SGCD: variants seen among roughly 807,000 people sequenced by gnomAD.
SGCD encodes the protein sarcoglycan delta.
In SGCD, 18 loss-of-function variants were observed where a neutral mutation model predicts 36.6. The ratio of observed to expected loss-of-function variants is 0.49; its 90% confidence interval spans 0.34 to 0.73. SGCD has a LOEUF of 0.73. SGCD is among the 30% of genes least tolerant of loss of function. SGCD has a pLI of 0.01. For synonymous variants in SGCD, 133 were observed against 130.6 expected, an observed-to-expected ratio of 1.02 and a Z score of -0.12; for missense variants, 387 against 346.7, an observed-to-expected ratio of 1.12 and a Z score of -0.92.
At chr5:156,492,433 G>T (rs1050886358) in intron 3 of SGCD, among the ~76,000 whole-genome samples, 2 of 151,916 alleles carry the variant, frequency 1.3e-5, no homozygotes, top group Non-Finnish European at 2.9e-5. Context: ...CCTAAGACCC[G>T]CAAAAATCAA....
chr5:155,849,560 ACTTT>A, the SGCD span, among the ~76,000 whole-genome samples: 5 of 152,194 alleles, frequency 3.3e-5, no homozygotes, highest in South Asian at 8.3e-4. Flanking sequence ...TGAACTTAAA[ACTTT>A]CTTTCTCGTG....
chr5:155,881,046 G>C (rs1188497628), intron 1 of SGCD, among the ~76,000 whole-genome samples: 1 of 151,966 alleles, frequency 6.6e-6, no homozygotes, highest in Admixed American at 6.6e-5. Flanking sequence ...AGGCTTTGGA[G>C]GTCACTTAAT....
chr5:155,742,861 T>A, the SGCD span, among the ~76,000 whole-genome samples: 16,553 of 152,276 alleles, frequency 0.11, 1,167 homozygotes, highest in South Asian at 0.25. Context: ...TCTATTACCC[T>A]CTCCTCTGAT....
At chr5:156,045,183 G>T (rs1286816083) in intron 1 of SGCD, among the ~76,000 whole-genome samples, 1 of 152,112 alleles carries the variant, frequency 6.6e-6, no homozygotes, top group Non-Finnish European at 1.5e-5. Context: ...GAGCCCTCAT[G>T]ACCTAATCAC....
chr5:156,397,269 T>A (rs1240182749), intron 3 of SGCD, among the ~76,000 whole-genome samples: 1 of 152,208 alleles, frequency 6.6e-6, no homozygotes, highest in Non-Finnish European at 1.5e-5. Flanking sequence ...GTCTGCAAAC[T>A]TTTTCTATAA....
intron 1 of SGCD, among the ~76,000 whole-genome samples, chr5:155,895,254 T>TA (rs1271034711): frequency 6.6e-6 from 1 of 152,226 alleles, no homozygotes; most frequent in African/African-American, 2.4e-5. Context: ...AATTCTCAGG[T>TA]AGGGAACATT....
chr5:156,342,500 A>G (rs1366772541), intron 2 of SGCD, among the ~76,000 whole-genome samples: 3 of 152,256 alleles, frequency 2.0e-5, no homozygotes, highest in Non-Finnish European at 4.4e-5. Context: ...CTTATTTCAT[A>G]GAATATGATC....
At chr5:156,058,105 T>C (rs1760107161) in intron 1 of SGCD, among the ~76,000 whole-genome samples, 1 of 146,016 alleles carries the variant, frequency 6.8e-6, no homozygotes, top group Non-Finnish European at 1.5e-5. Flanking sequence ...CCAAATTATA[T>C]GGGCTTCTGG....
At chr5:156,186,339 T>G (rs1763760557) in intron 3 of SGCD, among the ~76,000 whole-genome samples, 1 of 152,150 alleles carries the variant, frequency 6.6e-6, no homozygotes, top group Non-Finnish European at 1.5e-5. Context: ...TGTTGATATC[T>G]GCTATGATAC....
In SGCD at chr5:156,757,658, AAG is replaced by A; in HGVS notation, c.654_655del (p.Glu218AspfsTer17). On this transcript the variant is annotated frameshift_variant, in exon 8 of 9. Coordinates refer to ENST00000337851, the MANE Select transcript of SGCD (RefSeq NM_000337.6). LOFTEE classifies it high-confidence loss of function. Reference sequence around the variant, plus strand: ...ATCAATGCAGAAGCTGGCAATATGGAAGCCACCTGCAGGACAGAGCTGAGACT... The same window carrying A: ...ATCAATGCAGAAGCTGGCAATATGGACCACCTGCAGGACAGAGCTGAGACT... The A allele has an allele frequency of 6.2e-7, 1 of 1,610,094 alleles. No homozygotes were observed. The highest frequency in any genetic ancestry group is 1.3e-5 in the African/African-American group (1 of 74,952).
chr5:156,167,539 G>A (rs893618104), intron 3 of SGCD, among the ~76,000 whole-genome samples: 7 of 152,188 alleles, frequency 4.6e-5, no homozygotes, highest in Admixed American at 1.3e-4. Context: ...GGCCTAGGAG[G>A]CGTCTGGATC....
chr5:156,682,654 T>C (rs1181957946), intron 7 of SGCD, among the ~76,000 whole-genome samples: 1 of 152,190 alleles, frequency 6.6e-6, no homozygotes, highest in South Asian at 2.1e-4. Flanking sequence ...GAAAGCTGAT[T>C]GGAAATGTAG....
chr5:156,100,887 T>C (rs954499663), intron 1 of SGCD, among the ~76,000 whole-genome samples: 3 of 152,154 alleles, frequency 2.0e-5, no homozygotes, highest in African/African-American at 7.2e-5. Flanking sequence ...GAGAACCAAA[T>C]GCTTGTGTGC....
chr5:156,636,303 C>G lies in SGCD; in HGVS notation c.503-11161C>G, dbSNP rs1450222770. ...TGATACTAACAGCTCATATGTCTCCCCTACAGAAGCTTCTTTTTCATTCTT... is the reference window on the plus strand; with the variant it reads ...TGATACTAACAGCTCATATGTCTCCGCTACAGAAGCTTCTTTTTCATTCTT... On this transcript the variant is annotated intron_variant, in intron 6 of 8. Coordinates refer to ENST00000337851, the MANE Select transcript of SGCD (RefSeq NM_000337.6). 5.3e-5 allele frequency among the ~76,000 whole-genome samples: 8 copies of G among 152,252 alleles called. No homozygotes were observed. The East Asian group carries it at 1.5e-3, about 29-fold the overall frequency.
At chr5:155,772,865 C>T in the SGCD span, among the ~76,000 whole-genome samples, 9 of 152,112 alleles carry the variant, frequency 5.9e-5, no homozygotes, top group Non-Finnish European at 1.2e-4. Flanking sequence ...CTCTCTTTCA[C>T]CAGACACTTC....
chr5:156,476,439 A>G (rs1755182024), intron 3 of SGCD, among the ~76,000 whole-genome samples: 1 of 152,186 alleles, frequency 6.6e-6, no homozygotes, highest in South Asian at 2.1e-4. Flanking sequence ...AGATTCCATA[A>G]TCTTTATTTT....
chr5:156,326,627 T>C (rs963807882), upstream of SGCD: 1 of 152,186 alleles, frequency 6.6e-6, no homozygotes, highest in African/African-American at 2.4e-5. Flanking sequence ...GAGATCAAAT[T>C]AGAATTTACA....
intron 6 of SGCD, among the ~76,000 whole-genome samples, chr5:156,623,556 C>T (rs774982613): frequency 3.3e-4 from 50 of 152,218 alleles, no homozygotes; most frequent in Non-Finnish European, 6.8e-4. Flanking sequence ...GGAAAGAGCA[C>T]AAGCATATCC....
intron 3 of SGCD, among the ~76,000 whole-genome samples, chr5:156,453,568 G>A (rs191385657): frequency 4.6e-5 from 7 of 152,264 alleles, no homozygotes; most frequent in Middle Eastern, 3.4e-3. Context: ...TGCTCTCTGA[G>A]GGGACATTTT....
Sources: gnomAD v4.1 joint callset for allele counts (sites outside exome capture counted in the v4.1 genomes callset) on GRCh38, gnomAD v4.1.1 for gene constraint, MANE v1.5 for transcripts, NCBI Gene and HGNC (gene_info 2026-07-23, HGNC 2026-07-21) for gene names.